Variants in SIGLEC14 observed in about 807,000 individuals in gnomAD.
SIGLEC14 encodes sialic acid binding Ig like lectin 14.
In SIGLEC14, 11 loss-of-function variants were observed where a neutral mutation model predicts 34.2. The observed-to-expected ratio is 0.32, with a 90% CI of 0.20 to 0.53. The LOEUF is 0.53. SIGLEC14 is among the 20% of genes least tolerant of loss of function. The pLI is 0.95. For missense variants in SIGLEC14, 264 were observed against 439.0 expected, an observed-to-expected ratio of 0.60 and a Z score of 3.56; for synonymous variants, 99 against 179.7, an observed-to-expected ratio of 0.55 and a Z score of 3.59.
In SIGLEC14 at chr19:51,640,399, G is replaced by T. The variant is rs1983882925; in HGVS notation, c.*2956C>A. ...TAATACAACTCCTTCCATCTTTCTG[G>T]ACTGAGAAACAAGGGATGAAGCCCA... On this transcript the variant is annotated 3_prime_UTR_variant, in exon 7 of 7. Coordinates refer to ENST00000360844, the MANE Select transcript of SIGLEC14 (RefSeq NM_001098612.3). 7.2e-6 allele frequency among the ~76,000 whole-genome samples: 1 copy of T among 138,876 alleles called. No homozygotes were observed. The highest frequency in any genetic ancestry group is 2.7e-5 in the African/African-American group (1 of 36,542). The allele number at this position is 138,876 out of a possible 152,430, so 91.1% of individuals were successfully genotyped here.
rs1261888067 is a variant in SIGLEC14, at chr19:51,641,790, A to G, written c.*1565T>C. Among the ~76,000 whole-genome samples, 1 of 139,006 alleles carries G rather than the reference A, an allele frequency of 7.2e-6. No individual in the cohort carries two copies. The highest frequency in any genetic ancestry group is 1.5e-5 in the Non-Finnish European group (1 of 64,926). The allele number at this position is 139,006 out of a possible 152,430, so 91.2% of individuals were successfully genotyped here. A position where few individuals can be genotyped will look rare whatever the true frequency, so the allele number is the denominator to read the frequency against. Reference sequence around the variant, plus strand: ...TGAGCAACACACACTGGGGCCTTTCAAAGGGTGGAAGGTGGGAGGAGGGAG... The same window carrying G: ...TGAGCAACACACACTGGGGCCTTTCGAAGGGTGGAAGGTGGGAGGAGGGAG... On this transcript the variant is annotated 3_prime_UTR_variant, in exon 7 of 7. Transcript: ENST00000360844.
Position 51,642,398 on chromosome 19 carries a change from A to G in SIGLEC14, c.*957T>C, listed in dbSNP as rs1568598093. Reference sequence around the variant, plus strand: ...CAATACAGGTATTGCCTTCTTGTATATGGACAGAAGGAGAATCACTTGAAC... The same window carrying G: ...CAATACAGGTATTGCCTTCTTGTATGTGGACAGAAGGAGAATCACTTGAAC... On this transcript the variant is annotated 3_prime_UTR_variant, in exon 7 of 7. Transcript: ENST00000360844. 2.9e-5 allele frequency among the ~76,000 whole-genome samples: 4 copies of G among 138,416 alleles called. 2 individuals carry two copies. The highest frequency in any genetic ancestry group is 6.2e-5 in the Non-Finnish European group (4 of 64,758). The allele number at this position is 138,416 out of a possible 152,430, so 90.8% of individuals were successfully genotyped here.
chr19:51,643,261 T>A lies in SIGLEC14; in HGVS notation c.*94A>T. 8.3e-7 allele frequency: 1 copy of A among 1,203,648 alleles called. No individual in the cohort carries two copies. Among genetic ancestry groups the A allele is most frequent in the South Asian group, 1.3e-5 (1 of 75,942 alleles). 74.6% of individuals were successfully genotyped at this position (1,203,648 alleles called of 1,614,324 possible). A position where few individuals can be genotyped will look rare whatever the true frequency, so the allele number is the denominator to read the frequency against. ...AGGAAAAGAGGGGTAGTCAGTGGGA[T>A]GTGAGCTTCCAGAAAGAAGCTGACA... On this transcript the variant is annotated 3_prime_UTR_variant, in exon 7 of 7. Transcript: ENST00000360844.
At position 51,644,030 on chromosome 19, in the gene SIGLEC14, C is replaced by T. The variant is rs764555291; in HGVS notation, c.761G>A (p.Arg254Gln). 39 of 1,507,810 alleles carry T rather than the reference C, an allele frequency of 2.6e-5. 3 individuals are homozygous for T. The highest frequency in any genetic ancestry group is 3.5e-4 in the Middle Eastern group (2 of 5,706). The allele number at this position is 1,507,810 out of a possible 1,614,324, so 93.4% of individuals were successfully genotyped here. ...CACCGACATGCCATTGCTCAGGATCCGCAGGGCTGGGAAAGAGAAGCACAG... is the reference window on the plus strand; with the variant it reads ...CACCGACATGCCATTGCTCAGGATCTGCAGGGCTGGGAAAGAGAAGCACAG... ...FFRNGTGTAL[R>Q]ILSNGMSVPI... Residue 254 changes from arginine to glutamine, a missense_variant, in exon 5 of 7, where the codon CGG becomes CAG. Coordinates refer to ENST00000360844, the MANE Select transcript of SIGLEC14 (RefSeq NM_001098612.3).
rs758614046 is a variant in SIGLEC14 at position 51,644,063 on chromosome 19, A to G, written c.755-27T>C. ...TGGGAAAGAGAAGCACAGCCAGGTG[A>G]GTGGAGCTGGGAGGCCCAATTCTCC... On this transcript the variant is annotated intron_variant, in intron 4 of 6. Coordinates refer to ENST00000360844, the MANE Select transcript of SIGLEC14 (RefSeq NM_001098612.3). 2.7e-6 allele frequency: 4 copies of G among 1,476,448 alleles called. No homozygotes were observed. The South Asian group carries it at 4.0e-5, about 15-fold the overall frequency. The allele number at this position is 1,476,448 out of a possible 1,614,324, so 91.5% of individuals were successfully genotyped here. A position where few individuals can be genotyped will look rare whatever the true frequency, so the allele number is the denominator to read the frequency against.
At chr19:51,644,360 C>T (rs10420915) in intron 4 of SIGLEC14, among the ~76,000 whole-genome samples, 1,955 of 136,634 alleles carry the variant, frequency 0.014, 398 homozygotes, top group African/African-American at 0.051. Flanking sequence ...ACCCAGAGCT[C>T]CCAAGACACG....
rs1261737756 is a variant in SIGLEC14 at position 51,641,924 on chromosome 19, GC to G, written c.*1430del. ...ACCTATGTAACAAACCTGCACTTGT[GC>G]CCCCTGAACTTAAAAGTTAAAAAAA... On this transcript the variant is annotated 3_prime_UTR_variant, in exon 7 of 7. Transcript: ENST00000360844. Among the ~76,000 whole-genome samples the G allele has an allele frequency of 8.1e-6, 1 of 124,210 alleles. No individual in the cohort carries two copies. Among genetic ancestry groups the G allele is most frequent in the African/African-American group, 3.7e-5 (1 of 27,108 alleles). 81.5% of individuals were successfully genotyped at this position (124,210 alleles called of 152,430 possible).
Position 51,645,658 on chromosome 19 carries a change from G to T in SIGLEC14, c.700+124C>A. 2 of 1,450,388 alleles carry T rather than the reference G, an allele frequency of 1.4e-6. 1 individual carries two copies. The highest frequency in any genetic ancestry group is 1.9e-6 in the Non-Finnish European group (2 of 1,078,676). The allele number at this position is 1,450,388 out of a possible 1,614,324, so 89.8% of individuals were successfully genotyped here. ...ACCGCTGTCCTTCCTGCCCACACAC[G>T]AGTTTTCCCTGGTTATCATTCTCTT... On this transcript the variant is annotated intron_variant, in intron 3 of 6. Coordinates refer to ENST00000360844, the MANE Select transcript of SIGLEC14 (RefSeq NM_001098612.3).
Position 51,646,043 on chromosome 19 carries a change from C to T in SIGLEC14, c.439G>A (p.Asp147Asn), listed in dbSNP as rs1316428767. The T allele has an allele frequency of 8.4e-7, 1 of 1,195,190 alleles. No individual in the cohort carries two copies. The highest frequency in any genetic ancestry group is 4.1e-5 in the East Asian group (1 of 24,384). The allele number at this position is 1,195,190 out of a possible 1,614,324, so 74.0% of individuals were successfully genotyped here. A position where few individuals can be genotyped will look rare whatever the true frequency, so the allele number is the denominator to read the frequency against. Residue 147 changes from aspartate to asparagine, a missense_variant, in exon 3 of 7, where the codon GAC becomes AAC. Physicochemically the swap from Asp to Asn is conservative, Grantham distance 23 (BLOSUM62 1). Around this residue, in one of 5 missense-constraint regions of SIGLEC14, gnomAD observed 9 missense variants for 60.9 expected, o/e 0.15. Coordinates refer to ENST00000360844, the MANE Select transcript of SIGLEC14 (RefSeq NM_001098612.3). ...LEVTALIEKP[D>N]IHFLEPLESG... ...TCCAGAGGCTCCAGAAAGTGGATGT[C>T]GGGTTTCTCTATCAGGGCTGAGGAG...
chr19:51,643,170 G>A lies in SIGLEC14; in HGVS notation c.*185C>T, dbSNP rs1218064661. The A allele has an allele frequency of 1.9e-5, 11 of 567,662 alleles. 1 individual carries two copies. Among genetic ancestry groups the A allele is most frequent in the Non-Finnish European group, 3.0e-5 (10 of 328,736 alleles). The allele number at this position is 567,662 out of a possible 1,614,324, so 35.2% of individuals were successfully genotyped here. ...GGAGAGGGGATGGGGTGCAGATGGG[G>A]ATGCAGGTGTGGTGGGGCAAGACTC... is the stretch of plus-strand genomic sequence containing the variant. On this transcript the variant is annotated 3_prime_UTR_variant, in exon 7 of 7. Coordinates refer to ENST00000360844, the MANE Select transcript of SIGLEC14 (RefSeq NM_001098612.3).
chr19:51,643,954 G>T lies in SIGLEC14; in HGVS notation c.837C>A (p.Asn279Lys), dbSNP rs754151983. Residue 279 changes from asparagine (N) to lysine (K), a missense_variant, in exon 5 of 7, where the codon AAC becomes AAA. By Grantham distance (94) the Asn-to-Lys change is moderately conservative. Transcript: ENST00000360844. Reference protein sequence around the residue: ...SLFLACTVDSNPPASLSWFRE... With the variant: ...SLFLACTVDSKPPASLSWFRE... ...GGAACCAGCTCAGTGAGGCAGGGGG[G>T]TTGCTGTCAACTGTGCAGGCGAGGA... The T allele has an allele frequency of 2.0e-6, 3 of 1,533,952 alleles. No individual in the cohort carries two copies. The highest frequency in any genetic ancestry group is 1.7e-5 in the Admixed American group (1 of 58,036).
chr19:51,644,240 G>T (rs1391733417), intron 4 of SIGLEC14, among the ~76,000 whole-genome samples: 1 of 138,260 alleles, frequency 7.2e-6, no homozygotes, highest in African/African-American at 2.8e-5. Flanking sequence ...AGATGAGGAG[G>T]AGTTCTCACA....
intron 6 of SIGLEC14, 67 bp from the exon 7 acceptor site, chr19:51,643,464 G>GGGGGGGGGGGGGGGGGGGC: frequency 7.5e-7 from 1 of 1,335,856 alleles, no homozygotes. Flanking sequence ...GTGGGGCTGA[G>GGGGGGGGGGGGGGGGGGGC]CTGTCCTGGG....
In SIGLEC14 at chr19:51,640,990, T is replaced by C. The variant is rs1331694501; in HGVS notation, c.*2365A>G. Among the ~76,000 whole-genome samples the C allele has an allele frequency of 1.4e-5, 2 of 138,938 alleles. No homozygotes were observed. The highest frequency in any genetic ancestry group is 6.6e-4 in the East Asian group (2 of 3,020). The allele number at this position is 138,938 out of a possible 152,430, so 91.1% of individuals were successfully genotyped here. A position where few individuals can be genotyped will look rare whatever the true frequency, so the allele number is the denominator to read the frequency against. On this transcript the variant is annotated 3_prime_UTR_variant, in exon 7 of 7. Transcript: ENST00000360844. ...AACTCTGTCTCAAAAAAAAATTTTT[T>C]TTAAGTTGATTCTTTAAGAAGACAT... is the stretch of plus-strand genomic sequence containing the variant.
rs2122122445 is a variant in SIGLEC14 at position 51,642,507 on chromosome 19, A to G, written c.*848T>C. ...CAAGATAGAAACTCTGTCTCAAAGA[A>G]AAAAAAAAAAGACATAATTTTTGTC... On this transcript the variant is annotated 3_prime_UTR_variant, in exon 7 of 7. Transcript: ENST00000360844. The G allele has an allele frequency of 7.4e-6, 1 of 135,876 alleles. No individual in the cohort carries two copies. The highest frequency in any genetic ancestry group is 2.8e-5 in the African/African-American group (1 of 35,856). 8.4% of individuals were successfully genotyped at this position (135,876 alleles called of 1,614,324 possible). A position where few individuals can be genotyped will look rare whatever the true frequency, so the allele number is the denominator to read the frequency against.
At chr19:51,644,390 G>A (rs998659960) in intron 4 of SIGLEC14, among the ~76,000 whole-genome samples, 1 of 137,982 alleles carries the variant, frequency 7.2e-6, no homozygotes, top group Non-Finnish European at 1.5e-5. Context: ...GTAGAAGCAG[G>A]CTCAGATCTT....
rs190074952 is a variant in SIGLEC14, at chr19:51,643,594, G to A, written c.1091C>T (p.Ala364Val). ...WPLVLTLIRGALMGAGFLLTY... is the reference protein window; with the variant it reads ...WPLVLTLIRGVLMGAGFLLTY... The stretch of plus-strand genomic sequence containing the variant: ...GAGGAGGAAGCCAGCCCCCATGAGA[G>A]CCCCCCTGATCAGGGTGAGGACGAG... Residue 364 changes from alanine to valine, a missense_variant, in exon 6 of 7, where the codon GCT (alanine) becomes GTT (valine). Around this residue, in one of 5 missense-constraint regions of SIGLEC14, gnomAD observed 149 missense variants for 184.4 expected, o/e 0.81. Coordinates refer to ENST00000360844, the MANE Select transcript of SIGLEC14 (RefSeq NM_001098612.3). 1.7e-3 allele frequency: 2,616 copies of A among 1,529,848 alleles called. 425 individuals carry two copies. Among genetic ancestry groups the A allele is most frequent in the Non-Finnish European group, 1.9e-3 (2,154 of 1,140,334 alleles). The allele number at this position is 1,529,848 out of a possible 1,614,324, so 94.8% of individuals were successfully genotyped here.
At chr19:51,645,610 C>A in intron 3 of SIGLEC14, 80 bp from the exon 4 acceptor site, 1 of 1,456,608 alleles carries the variant, frequency 6.9e-7, no homozygotes, top group South Asian at 1.2e-5. Context: ...CAAGGAGGGG[C>A]CACAGAAACC....
In SIGLEC14 at chr19:51,644,911, G is replaced by A. The variant is rs1983998885; in HGVS notation, c.754+566C>T. ...AAGAACTGGGTTCTGGGACAGAGCTGTGGGAGGTGGGAAAGTCGAAGGCTC... is the reference window on the plus strand; with the variant it reads ...AAGAACTGGGTTCTGGGACAGAGCTATGGGAGGTGGGAAAGTCGAAGGCTC... On this transcript the variant is annotated intron_variant, in intron 4 of 6. Coordinates refer to ENST00000360844, the MANE Select transcript of SIGLEC14 (RefSeq NM_001098612.3). Among the ~76,000 whole-genome samples, 2 of 137,448 alleles carry A rather than the reference G, an allele frequency of 1.5e-5. 1 individual carries two copies. Among genetic ancestry groups the A allele is most frequent in the African/African-American group, 5.6e-5 (2 of 35,934 alleles). The allele number at this position is 137,448 out of a possible 152,430, so 90.2% of individuals were successfully genotyped here.
Sources: allele counts gnomAD v4.1 joint callset (sites outside exome capture counted in the v4.1 genomes callset), GRCh38; gene constraint gnomAD v4.1.1; regional missense constraint gnomAD v4.1.1; transcripts MANE v1.5; gene names NCBI Gene and HGNC (gene_info 2026-07-23, HGNC 2026-07-21).